The following NEB variants were observed in gnomAD, a reference collection of about 807,000 sequenced individuals.
The protein encoded by NEB is nebulin, also known as nemaline myopathy type 2.
NEB carries 512 observed loss-of-function variants against 952.2 expected under a neutral mutation model. That is an observed-to-expected ratio of 0.54 (90% CI 0.50 to 0.58). The LOEUF (loss-of-function observed/expected upper bound fraction) is 0.58. NEB is among the 20% of genes least tolerant of loss of function. The probability of loss-of-function intolerance (pLI) is 0.00; values close to 1 mark genes in which losing one functional copy is unlikely to be tolerated. For synonymous variants in NEB, 2,900 were observed against 3,149.8 expected (o/e 0.92, Z 2.66); for missense variants, 8,428 against 9,231.1 (o/e 0.91, Z 3.56).
intron 20 of NEB, among the ~76,000 whole-genome samples, chr2:151,693,450 T>C (rs1473567416): frequency 6.6e-6 from 1 of 150,446 alleles, no homozygotes; most frequent in Non-Finnish European, 1.5e-5. Context: ...ACAGTGTGTG[T>C]TGCACCCCCC....
At chr2:151,535,858 C>A in intron 141 of NEB, 63 bp from the exon 142 acceptor site, 1 of 844,794 alleles carries the variant, frequency 1.2e-6, no homozygotes, top group Non-Finnish European at 1.9e-6. Context: ...ATGAGACATG[C>A]TGTTTATCAT....
intron 142 of NEB, 97 bp from the exon 143 acceptor site, chr2:151,533,643 G>C: frequency 1.3e-6 from 1 of 740,926 alleles, no homozygotes; most frequent in Admixed American, 2.1e-5. Context: ...AAGAGATGTA[G>C]GCATACACAC....
intron 12 of NEB, 107 bp from the exon 13 acceptor site, chr2:151,707,104 A>T: frequency 1.4e-6 from 1 of 695,846 alleles, no homozygotes; most frequent in Middle Eastern, 4.0e-4. Context: ...CTTTAGAAAA[A>T]TGGCAGCTTG....
intron 166 of NEB, 47 bp downstream of exon 166, chr2:151,503,302 A>C: frequency 7.1e-7 from 1 of 1,403,606 alleles, no homozygotes; most frequent in Non-Finnish European, 1.0e-6. Flanking sequence ...TTATTGTGGT[A>C]AATTTTTTAT....
rs2093503837 is a variant in NEB at position 151,538,250 on chromosome 2, AAG to A, written c.20893-8_20893-7del. 6.3e-7 allele frequency: 1 copy of A among 1,596,226 alleles called. No individual in the cohort carries two copies. The highest frequency in any genetic ancestry group is 1.1e-5 in the South Asian group (1 of 90,446). On this transcript the variant is annotated splice_polypyrimidine_tract_variant and splice_region_variant and intron_variant, in intron 138 of 181. Transcript: ENST00000397345. ...AATGTTTCTTTGTAGCGTAGCTAGA[AAG>A]AGAAAAAACACATGAATTACAAAAA...
In NEB at chr2:151,579,500, G is replaced by C. The variant is rs200602229; in HGVS notation, c.16542C>G (p.Ala5514=). 0.01 allele frequency: 15,672 copies of C among 1,492,632 alleles called. 923 individuals carry two copies. In the East Asian group the frequency reaches 0.14, roughly 13 times the overall value. The allele number at this position is 1,492,632 out of a possible 1,614,324, so 92.5% of individuals were successfully genotyped here. The change falls in exon 105 of 182, where the codon GCC becomes GCG. Residue 5514 remains alanine, a synonymous_variant. Transcript: ENST00000397345. ...CCATGTCCACAGGGATGGAGATCTT[G>C]GCTTTGTGGTCGTTGTAGGCCTTTT... ...LYKKAYNDHK[A]KISIPVDMVS...
rs1000108046 is a variant in NEB at position 151,570,314 on chromosome 2, G to A, written c.17197C>T (p.Arg5733Cys). The A allele has an allele frequency of 5.6e-6, 9 of 1,609,228 alleles. No individual in the cohort carries two copies. The highest frequency in any genetic ancestry group is 2.2e-5 in the East Asian group (1 of 44,722). ...AGCTTGTCAGCTATGAGGGCCCAGC[G>A]GATCTTGTTGTCATCCCTGGCTGTG... ...TLTARDDNKI[R>C]WALIADKLQN... Residue 5733 changes from arginine to cysteine, a missense_variant, in exon 109 of 182, where the codon CGC becomes TGC. Physicochemically the swap from Arg to Cys is radical, Grantham distance 180. Coordinates refer to ENST00000397345, the MANE Select transcript of NEB (RefSeq NM_001164508.2).
At chr2:151,632,980 T>C (rs1488287767) in intron 65 of NEB, among the ~76,000 whole-genome samples, 2 of 152,222 alleles carry the variant, frequency 1.3e-5, no homozygotes, top group Non-Finnish European at 2.9e-5. Context: ...TTTTCTCAGG[T>C]AGGCTGTAAG....
In NEB at chr2:151,526,040, T is replaced by A. The variant is rs1352004560; in HGVS notation, c.22079A>T (p.His7360Leu). 6.2e-7 allele frequency: 1 copy of A among 1,613,944 alleles called. No homozygotes were observed. The highest frequency in any genetic ancestry group is 1.7e-5 in the Admixed American group (1 of 60,022). ...TGTTGTGTATGAGCCCTGTGCCAAG[T>A]GCTTCTTGACATGGTCCTTGTACTT... ...ENKYKDHVKK[H>L]LAQGSYTTLP... The change falls in exon 150 of 182, where the codon CAC becomes CTC. Residue 7360 changes from histidine to leucine, a missense_variant. Around this residue, in one of 11 missense-constraint regions of NEB, gnomAD observed 3,374 missense variants for 3,651.5 expected, o/e 0.92. Coordinates refer to ENST00000397345, the MANE Select transcript of NEB (RefSeq NM_001164508.2).
chr2:151,729,753 G>A (rs2099801212), intron 3 of NEB, 97 bp from the exon 4 acceptor site: 5 of 1,269,806 alleles, frequency 3.9e-6, no homozygotes, highest in Non-Finnish European at 5.7e-6. Context: ...CACTAGCTCG[G>A]TTGATTTGGA....
At chr2:151,621,167 T>C (rs536152996) in intron 71 of NEB, 141 bp from the exon 72 acceptor site, 2 of 620,880 alleles carry the variant, frequency 3.2e-6, no homozygotes, top group South Asian at 2.1e-5. Flanking sequence ...CTCTTTCTTT[T>C]ACTTTCTGTT....
chr2:151,550,947 A>AATTATTATTATTATTATTATTATT (rs5835373), intron 129 of NEB, among the ~76,000 whole-genome samples: 3 of 138,890 alleles, frequency 2.2e-5, no homozygotes, highest in African/African-American at 2.7e-5. Flanking sequence ...GCCTGGCCAA[A>AATTATTATTATTATTATTATTATT]ATTATTATTA....
intron 143 of NEB, among the ~76,000 whole-genome samples, chr2:151,532,883 A>T (rs2092026804): frequency 6.6e-6 from 1 of 152,154 alleles, no homozygotes; most frequent in African/African-American, 2.4e-5. Context: ...TGGCCTTCTA[A>T]AAAGGCATTA....
rs770387538 is a variant in NEB, at chr2:151,519,102, T to C, written c.22591-33A>G. On this transcript the variant is annotated intron_variant, in intron 154 of 181. Coordinates refer to ENST00000397345, the MANE Select transcript of NEB (RefSeq NM_001164508.2). ...TTATGGGGGAAGAAAGGAAATCACG[T>C]AAATAGGAAATGGAACAGCACTAAT... is the stretch of plus-strand genomic sequence containing the variant. The C allele has an allele frequency of 3.7e-6, 5 of 1,367,074 alleles. No individual in the cohort carries two copies. In the African/African-American group the frequency reaches 7.1e-5, roughly 20 times the overall value. The allele number at this position is 1,367,074 out of a possible 1,614,324, so 84.7% of individuals were successfully genotyped here. A position where few individuals can be genotyped will look rare whatever the true frequency, so the allele number is the denominator to read the frequency against.
At chr2:151,696,505 T>G (rs970607945) in intron 17 of NEB, 132 bp downstream of exon 17, 13 of 650,822 alleles carry the variant, frequency 2.0e-5, no homozygotes, top group Non-Finnish European at 3.5e-5. Flanking sequence ...TTTATACAAA[T>G]GTATACTGTT....
intron 162 of NEB, among the ~76,000 whole-genome samples, chr2:151,507,301 T>C (rs1232687476): frequency 6.6e-6 from 1 of 152,222 alleles, no homozygotes; most frequent in Non-Finnish European, 1.5e-5. Context: ...GCAGTGATAG[T>C]TCACATTCAG....
intron 143 of NEB, among the ~76,000 whole-genome samples, chr2:151,532,975 G>T (rs1476922778): frequency 1.3e-5 from 2 of 152,028 alleles, no homozygotes; most frequent in African/African-American, 4.8e-5. Flanking sequence ...AAGTCAAGAG[G>T]CGCCATGAAT....
At chr2:151,675,159 G>C (rs2099349584) in intron 35 of NEB, 128 bp downstream of exon 35, 1 of 734,426 alleles carries the variant, frequency 1.4e-6, no homozygotes, top group Non-Finnish European at 2.4e-6. Flanking sequence ...CATCCTTATG[G>C]GATATGTTCC....
chr2:151,662,101 T>C (rs1355331042), intron 46 of NEB, 34 bp downstream of exon 46: 1 of 1,548,022 alleles, frequency 6.5e-7, no homozygotes, highest in Non-Finnish European at 8.9e-7. Flanking sequence ...TTCTCTCTGA[T>C]GCATATGAAA....
Sources: gnomAD v4.1 joint callset for allele counts (sites outside exome capture counted in the v4.1 genomes callset) on GRCh38, gnomAD v4.1.1 for gene constraint, gnomAD v4.1.1 regional missense constraint, MANE v1.5 for transcripts, NCBI Gene and HGNC (gene_info 2026-07-23, HGNC 2026-07-21) for gene names.